Variants in IQCM observed in about 807,000 individuals in gnomAD.
IQCM encodes the protein IQ motif containing M.
A neutral mutation model predicts 57.6 loss-of-function variants in IQCM; 45 were observed. That is an observed-to-expected ratio of 0.78 (90% CI 0.62 to 1.00). The LOEUF is 1.00. Ranked by LOEUF, IQCM falls within the 50% of genes least tolerant of loss-of-function variation. The pLI is 0.00. For missense variants in IQCM, 468 were observed against 511.6 expected, an observed-to-expected ratio of 0.91 and a Z score of 0.82; for synonymous variants, 148 against 158.9, an observed-to-expected ratio of 0.93 and a Z score of 0.51.
At chr4:149,615,256 G>A (rs918574117) in intron 8 of IQCM, among the ~76,000 whole-genome samples, 1 of 151,994 alleles carries the variant, frequency 6.6e-6, no homozygotes, top group African/African-American at 2.4e-5. Flanking sequence ...AAGAAAGTTG[G>A]AGATGGTGAT....
chr4:149,731,857 C>T (rs980458907), intron 5 of IQCM, among the ~76,000 whole-genome samples: 12 of 147,658 alleles, frequency 8.1e-5, no homozygotes, highest in African/African-American at 3.0e-4. Context: ...AGGAATATAA[C>T]GTGTATTTTA....
chr4:149,507,145 A>G (rs543156918), intron 12 of IQCM, among the ~76,000 whole-genome samples: 83 of 152,308 alleles, frequency 5.4e-4, no homozygotes, highest in African/African-American at 1.9e-3. Context: ...AGGCCTCCCC[A>G]GCCATGTGGA....
At chr4:149,700,072 G>A (rs984432390) in intron 5 of IQCM, among the ~76,000 whole-genome samples, 3 of 152,020 alleles carry the variant, frequency 2.0e-5, no homozygotes, top group African/African-American at 4.8e-5. Context: ...GCCCCAAAGA[G>A]GACGGAGGCA....
At chr4:149,498,875 G>T (rs146578429) in intron 12 of IQCM, among the ~76,000 whole-genome samples, 16 of 152,254 alleles carry the variant, frequency 1.1e-4, no homozygotes, top group African/African-American at 3.8e-4. Flanking sequence ...GTGCATGGAA[G>T]AAATATAATT....
chr4:149,394,433 A>G (rs1432357947), intron 13 of IQCM, among the ~76,000 whole-genome samples: 3 of 151,950 alleles, frequency 2.0e-5, no homozygotes, highest in African/African-American at 4.8e-5. Flanking sequence ...TTGCAAAAGT[A>G]TTATTTTAAT....
At chr4:149,365,510 G>C (rs1484978464) in intron 13 of IQCM, among the ~76,000 whole-genome samples, 3 of 152,142 alleles carry the variant, frequency 2.0e-5, no homozygotes, top group African/African-American at 7.2e-5. Context: ...CATCCTTTGA[G>C]TGTGAGCTAG....
chr4:149,674,779 C>G (rs1761607126), intron 7 of IQCM, among the ~76,000 whole-genome samples: 2 of 152,010 alleles, frequency 1.3e-5, no homozygotes, highest in Admixed American at 1.3e-4. Flanking sequence ...AATAACCAGT[C>G]TGGAGATAAA....
intron 13 of IQCM, among the ~76,000 whole-genome samples, chr4:149,354,363 C>CAAAAAAAAAAAAA (rs70965178): frequency 0.036 from 697 of 19,256 alleles, 58 homozygotes; most frequent in Non-Finnish European, 0.045. Context: ...GACTCCGTCT[C>CAAAAAAAAAAAAA]AAAAAAAAAA....
chr4:149,668,655 A>G (rs1760961277), intron 7 of IQCM, among the ~76,000 whole-genome samples: 1 of 152,198 alleles, frequency 6.6e-6, no homozygotes, highest in Non-Finnish European at 1.5e-5. Flanking sequence ...TTAAAGTATA[A>G]TAATTAAATA....
chr4:149,553,287 C>G lies in IQCM; in HGVS notation c.949G>C (p.Ala317Pro). 8.1e-7 allele frequency: 1 copy of G among 1,231,782 alleles called. No individual in the cohort carries two copies. Among genetic ancestry groups the G allele is most frequent in the Non-Finnish European group, 1.0e-6 (1 of 987,688 alleles). The allele number at this position is 1,231,782 out of a possible 1,614,324, so 76.3% of individuals were successfully genotyped here. Reference sequence around the variant, plus strand: ...TTCATATCTGGTCCATGATCCAAAGCCTACAAAGACAGAAAAGCTCCTTAT... The same window carrying G: ...TTCATATCTGGTCCATGATCCAAAGGCTACAAAGACAGAAAAGCTCCTTAT... Reference protein sequence around the residue: ...RKRLQRVMTKALDHGPDMKAV... With the variant: ...RKRLQRVMTKPLDHGPDMKAV... Residue 317 changes from alanine to proline, a missense_variant and splice_region_variant, in exon 11 of 14, where the codon GCT becomes CCT. Ala to Pro is a conservative substitution (Grantham distance 27). Coordinates refer to ENST00000636793, the MANE Select transcript of IQCM (RefSeq NM_001363507.2).
intron 7 of IQCM, among the ~76,000 whole-genome samples, chr4:149,652,995 T>C (rs1385646145): frequency 6.6e-6 from 1 of 152,038 alleles, no homozygotes; most frequent in Admixed American, 6.6e-5. Context: ...AATCTGCCTA[T>C]AAAAAGCAAA....
At chr4:149,480,477 T>G (rs1194615152) in intron 12 of IQCM, among the ~76,000 whole-genome samples, 1 of 152,096 alleles carries the variant, frequency 6.6e-6, no homozygotes, top group Non-Finnish European at 1.5e-5. Context: ...TCAACTGTTT[T>G]GATTTTTAGA....
chr4:149,385,675 T>C (rs189240271), intron 13 of IQCM, among the ~76,000 whole-genome samples: 1 of 152,226 alleles, frequency 6.6e-6, no homozygotes, highest in African/African-American at 2.4e-5. Flanking sequence ...AGATATTCCA[T>C]CCTATGTCTC....
chr4:149,771,850 AT>A (rs1770614825), intron 2 of IQCM, among the ~76,000 whole-genome samples: 1 of 152,146 alleles, frequency 6.6e-6, no homozygotes, highest in African/African-American at 2.4e-5. Context: ...TAACAGATGT[AT>A]TTTTTAATCC....
chr4:149,708,744 T>C (rs887199940), intron 5 of IQCM, among the ~76,000 whole-genome samples: 1 of 152,078 alleles, frequency 6.6e-6, no homozygotes, highest in African/African-American at 2.4e-5. Context: ...TTTCTCACCT[T>C]GCATTAGGAG....
At chr4:149,680,963 T>C (rs1762132378) in intron 7 of IQCM, among the ~76,000 whole-genome samples, 1 of 151,348 alleles carries the variant, frequency 6.6e-6, no homozygotes, top group East Asian at 1.9e-4. Flanking sequence ...TGCCAAGTCC[T>C]TCAAAGAGCT....
chr4:149,631,222 G>C (rs1757236399), intron 7 of IQCM, among the ~76,000 whole-genome samples: 1 of 152,124 alleles, frequency 6.6e-6, no homozygotes, highest in African/African-American at 2.4e-5. Flanking sequence ...ACTCCACTGG[G>C]AGAGAACTAT....
chr4:149,689,397 T>C (rs1446107609), intron 5 of IQCM, among the ~76,000 whole-genome samples: 1 of 151,734 alleles, frequency 6.6e-6, no homozygotes, highest in Non-Finnish European at 1.5e-5. Context: ...CATCACACTA[T>C]GGGGCCTGTG....
intron 12 of IQCM, among the ~76,000 whole-genome samples, chr4:149,448,200 G>A (rs1736719963): frequency 6.6e-6 from 1 of 151,484 alleles, no homozygotes; most frequent in African/African-American, 2.4e-5. Context: ...GGAGTTAAGT[G>A]AAAAATAAAA....
Sources: gnomAD v4.1 joint callset for allele counts (sites outside exome capture counted in the v4.1 genomes callset) on GRCh38, gnomAD v4.1.1 for gene constraint, MANE v1.5 for transcripts, NCBI Gene and HGNC (gene_info 2026-07-23, HGNC 2026-07-21) for gene names.